RELB: variants seen among roughly 807,000 people sequenced by gnomAD.
RELB encodes RELB proto-oncogene, NF-kB subunit, also known as transcription factor RelB.
A neutral mutation model predicts 55.4 loss-of-function variants in RELB; 14 were observed. The ratio of observed to expected loss-of-function variants is 0.25; its 90% CI spans 0.17 to 0.40. The LOEUF is 0.40. Among genes scored for constraint, RELB ranks in the 10% least tolerant of loss-of-function variants. RELB has a pLI of 1.00. For synonymous variants in RELB, 409 were observed against 371.3 expected (o/e 1.10, Z -1.17); for missense variants, 669 against 830.7 (o/e 0.81, Z 2.39).
At chr19:45,028,123 G>A (rs1045909060) in intron 7 of RELB, among the ~76,000 whole-genome samples, 14 of 152,022 alleles carry the variant, frequency 9.2e-5, no homozygotes, top group Non-Finnish European at 4.4e-5. Flanking sequence ...GGGCTCAAAC[G>A]ATCCTCCCTC....
At chr19:45,007,261 T>C (rs889525497) in intron 2 of RELB, among the ~76,000 whole-genome samples, 2 of 151,806 alleles carry the variant, frequency 1.3e-5, no homozygotes, top group Non-Finnish European at 2.9e-5. Context: ...CAAGTCCACG[T>C]TGGGGGTAAA....
intron 8 of RELB, among the ~76,000 whole-genome samples, 189 bp downstream of exon 8, chr19:45,029,181 C>T (rs1380910709): frequency 6.6e-6 from 1 of 152,176 alleles, no homozygotes; most frequent in East Asian, 1.9e-4. Flanking sequence ...GAGTCGCCTT[C>T]TCACCCGTCT....
At chr19:45,021,131 C>T (rs1807586789) in intron 4 of RELB, among the ~76,000 whole-genome samples, 2 of 151,750 alleles carry the variant, frequency 1.3e-5, no homozygotes, top group Admixed American at 1.3e-4. Flanking sequence ...CTGAGATCTC[C>T]CGCCACCGCA....
rs963265868 is a variant in RELB at position 45,038,083 on chromosome 19, T to C, written c.*293T>C. 4.4e-5 allele frequency: 15 copies of C among 341,592 alleles called. No homozygotes were observed. The highest frequency in any genetic ancestry group is 3.6e-4 in the East Asian group (8 of 22,242). The allele number at this position is 341,592 out of a possible 1,614,324, so 21.2% of individuals were successfully genotyped here. On this transcript the variant is annotated 3_prime_UTR_variant, in exon 12 of 12. Coordinates refer to ENST00000221452, the MANE Select transcript of RELB (RefSeq NM_006509.4). ...CTTCTCCAGTAGGATTCGGAAAAGA[T>C]TGTACATATGGGAGGAGGGGGCAGA... is the stretch of plus-strand genomic sequence containing the variant.
chr19:45,032,476 TTGGGAGCACAGTGGTCCAGA>T lies in RELB; in HGVS notation c.992-55_992-36del, dbSNP rs1971635752. 5.6e-6 allele frequency: 8 copies of T among 1,433,066 alleles called. No homozygotes were observed. In the South Asian group the frequency reaches 9.6e-5, roughly 17 times the overall value. The allele number at this position is 1,433,066 out of a possible 1,614,324, so 88.8% of individuals were successfully genotyped here. On this transcript the variant is annotated intron_variant, in intron 8 of 11. Coordinates refer to ENST00000221452, the MANE Select transcript of RELB (RefSeq NM_006509.4). ...TTGATTTTAGGGGAGGCTGGGCAAGTTGGGAGCACAGTGGTCCAGATGTCCTGGCTTAGCTGATGTCCCCC... is the reference window on the plus strand; with the variant it reads ...TTGATTTTAGGGGAGGCTGGGCAAGTTGTCCTGGCTTAGCTGATGTCCCCC...
intron 8 of RELB, among the ~76,000 whole-genome samples, chr19:45,030,090 C>T (rs758174008): frequency 1.1e-4 from 17 of 152,018 alleles, no homozygotes; most frequent in Non-Finnish European, 1.5e-4. Flanking sequence ...TCACTTGAGC[C>T]CGGGAGGCGG....
intron 4 of RELB, among the ~76,000 whole-genome samples, chr19:45,012,632 A>T (rs1971376063): frequency 6.6e-6 from 1 of 151,396 alleles, no homozygotes; most frequent in African/African-American, 2.4e-5. Context: ...GCTATTTAGG[A>T]GGCCGAGGTG....
rs529347952 is a variant in RELB at position 45,008,183 on chromosome 19, TAAATA to T, written c.155-1610_155-1606del. Among the ~76,000 whole-genome samples the T allele has an allele frequency of 2.2e-3, 325 of 151,116 alleles. 1 individual carries two copies. The highest frequency in any genetic ancestry group is 7.1e-3 in the African/African-American group (294 of 41,282). ...AGACTCCGTCTCAAAAAAATAAAAA[TAAATA>T]AAATAAAATAAAATAAAATATTAAA... On this transcript the variant is annotated intron_variant, in intron 2 of 11. Transcript: ENST00000221452.
rs1971636690 is a variant in RELB at position 45,032,529 on chromosome 19, G to A, written c.992-5G>A. The A allele has an allele frequency of 5.6e-6, 9 of 1,609,200 alleles. No individual in the cohort carries two copies. Among genetic ancestry groups the A allele is most frequent in the Non-Finnish European group, 7.6e-6 (9 of 1,177,502 alleles). On this transcript the variant is annotated splice_polypyrimidine_tract_variant and splice_region_variant and intron_variant, in intron 8 of 11. Coordinates refer to ENST00000221452, the MANE Select transcript of RELB (RefSeq NM_006509.4). ...GCTTAGCTGATGTCCCCCGTTTCCTGCCAGAGGACATATCAGTGGTGTTCA... is the reference window on the plus strand; with the variant it reads ...GCTTAGCTGATGTCCCCCGTTTCCTACCAGAGGACATATCAGTGGTGTTCA...
intron 11 of RELB, among the ~76,000 whole-genome samples, chr19:45,035,610 G>A (rs768899267): frequency 2.0e-5 from 3 of 152,044 alleles, no homozygotes; most frequent in Non-Finnish European, 2.9e-5. Context: ...GGTAGATCAC[G>A]AGGTGAAGAG....
chr19:45,016,049 A>G (rs1241406375), intron 4 of RELB, among the ~76,000 whole-genome samples: 1 of 151,608 alleles, frequency 6.6e-6, no homozygotes, highest in Non-Finnish European at 1.5e-5. Context: ...CCCAGGCTGG[A>G]GTGCAGTGGC....
intron 2 of RELB, among the ~76,000 whole-genome samples, chr19:45,006,009 C>T (rs2122389832): frequency 6.6e-6 from 1 of 152,348 alleles, no homozygotes; most frequent in East Asian, 1.9e-4. Flanking sequence ...TGTTCTGTAC[C>T]TGGCCTTGTG....
chr19:45,005,976 T>C (rs893054053), intron 2 of RELB, among the ~76,000 whole-genome samples: 1 of 152,202 alleles, frequency 6.6e-6, no homozygotes, highest in Non-Finnish European at 1.5e-5. Flanking sequence ...TGTCATCCAT[T>C]CAATAAATAT....
chr19:45,027,108 C>T (rs1458337124), intron 7 of RELB, among the ~76,000 whole-genome samples: 2 of 151,814 alleles, frequency 1.3e-5, no homozygotes, highest in African/African-American at 4.8e-5. Flanking sequence ...TGGCGGGCGC[C>T]TGTAGTCCCA....
chr19:45,003,884 T>G, intron 2 of RELB, among the ~76,000 whole-genome samples: 1 of 150,084 alleles, frequency 6.7e-6, no homozygotes, highest in African/African-American at 2.4e-5. Context: ...ATTTTTGGTG[T>G]GTGTGTGGGT....
chr19:45,017,994 C>T (rs934710973), intron 4 of RELB, among the ~76,000 whole-genome samples: 6 of 149,708 alleles, frequency 4.0e-5, no homozygotes, highest in African/African-American at 1.5e-4. Context: ...AGACCAGGCG[C>T]GGTGGCTCAC....
chr19:45,037,312 T>A, intron 11 of RELB, 93 bp from the exon 12 acceptor site: 6 of 1,237,110 alleles, frequency 4.9e-6, no homozygotes, highest in Non-Finnish European at 5.4e-6. Context: ...CACCTTGATA[T>A]CACATTTTGC....
At chr19:45,003,331 C>A (rs1225124544) in intron 2 of RELB, among the ~76,000 whole-genome samples, 1 of 151,718 alleles carries the variant, frequency 6.6e-6, no homozygotes, top group African/African-American at 2.4e-5. Flanking sequence ...CAAAATTAGC[C>A]GGGCGTGGTG....
At chr19:45,013,829 T>C (rs1233055653) in intron 4 of RELB, among the ~76,000 whole-genome samples, 1 of 151,548 alleles carries the variant, frequency 6.6e-6, no homozygotes, top group Non-Finnish European at 1.5e-5. Context: ...CAAAACTCCT[T>C]CTAAAAAAAA....
Sources: gnomAD v4.1 joint callset for allele counts (sites outside exome capture counted in the v4.1 genomes callset) on GRCh38, gnomAD v4.1.1 for gene constraint, MANE v1.5 for transcripts, NCBI Gene and HGNC (gene_info 2026-07-23, HGNC 2026-07-21) for gene names.